FGF14: variants seen among roughly 807,000 people sequenced by gnomAD.
FGF14 encodes the protein fibroblast growth factor homologous factor 4.
Under a neutral mutation model 25.5 loss-of-function variants are expected in FGF14, and 5 were observed. The ratio of observed to expected loss-of-function variants is 0.20; its 90% CI spans 0.10 to 0.41. The LOEUF (loss-of-function observed/expected upper bound fraction) is 0.41, where lower values mean the gene tolerates loss of function less well. FGF14 is among the 10% of genes least tolerant of loss of function. The probability of loss-of-function intolerance (pLI) is 1.00; values close to 1 mark genes in which losing one functional copy is unlikely to be tolerated. For missense variants in FGF14, 222 were observed against 320.1 expected (o/e 0.69, Z 2.34); for synonymous variants, 138 against 118.3 (o/e 1.17, Z -1.08).
intron 1 of FGF14, among the ~76,000 whole-genome samples, chr13:102,112,369 C>T (rs866845262): frequency 6.6e-6 from 1 of 152,150 alleles, no homozygotes; most frequent in African/African-American, 2.4e-5. Flanking sequence ...CTGCCACCCC[C>T]CAGCCCAAAG....
At chr13:101,820,663 T>C (rs1364031319) in intron 3 of FGF14, among the ~76,000 whole-genome samples, 1 of 152,214 alleles carries the variant, frequency 6.6e-6, no homozygotes, top group Non-Finnish European at 1.5e-5. Flanking sequence ...AAGTGCTTTC[T>C]TAGGCTATGA....
chr13:102,299,788 AG>A (rs549770916), intron 1 of FGF14: 136 of 152,284 alleles, frequency 8.9e-4, no homozygotes, highest in African/African-American at 3.0e-3. Flanking sequence ...AAACAAGATG[AG>A]GGGCAGCACC....
rs780368983 is a variant in FGF14, at chr13:101,756,841, T to G, written c.409-30031A>C. On this transcript the variant is annotated intron_variant, in intron 3 of 4. Transcript: ENST00000376143. ...TATTTTCATACAATTGGCACTATCCTGAGCCCAGATTTTTTCTGTCAATAA... is the reference window on the plus strand; with the variant it reads ...TATTTTCATACAATTGGCACTATCCGGAGCCCAGATTTTTTCTGTCAATAA... Among the ~76,000 whole-genome samples the G allele has an allele frequency of 5.9e-4, 90 of 152,338 alleles. 1 individual carries two copies. Among genetic ancestry groups the G allele is most frequent in the Non-Finnish European group, 1.1e-3 (78 of 68,032 alleles).
rs1436698200 is a variant in FGF14 at position 101,713,022 on chromosome 13, T to G, written c.*9809A>C. On this transcript the variant is annotated 3_prime_UTR_variant, in exon 5 of 5. Transcript: ENST00000376143. The stretch of plus-strand genomic sequence containing the variant: ...GACCCTCAGGAAAACAAGTCAAGAC[T>G]AAATACAATTATGCCATAGCTACGC... 6.6e-6 allele frequency: 1 copy of G among 152,228 alleles called. No homozygotes were observed. Among genetic ancestry groups the G allele is most frequent in the East Asian group, 1.9e-4 (1 of 5,200 alleles). 9.4% of individuals were successfully genotyped at this position (152,228 alleles called of 1,614,324 possible).
intron 1 of FGF14, among the ~76,000 whole-genome samples, chr13:102,303,112 GC>G (rs2055162325): frequency 6.6e-6 from 1 of 152,088 alleles, no homozygotes; most frequent in Non-Finnish European, 1.5e-5. Context: ...TCTTGATGTT[GC>G]CCAAGCCAGG....
chr13:101,817,793 T>C (rs896338138), intron 3 of FGF14, among the ~76,000 whole-genome samples: 7 of 152,106 alleles, frequency 4.6e-5, no homozygotes, highest in African/African-American at 1.7e-4. Flanking sequence ...ACAGAGAAAA[T>C]GAATGAAATT....
At chr13:102,265,052 AT>A (rs919416900) in intron 1 of FGF14, among the ~76,000 whole-genome samples, 136 of 152,288 alleles carry the variant, frequency 8.9e-4, no homozygotes, top group African/African-American at 3.3e-3. Flanking sequence ...ACTTACTTGT[AT>A]CTTTTGAAAA....
chr13:102,240,933 C>T (rs914682194), intron 1 of FGF14, among the ~76,000 whole-genome samples: 6 of 152,084 alleles, frequency 3.9e-5, no homozygotes, highest in African/African-American at 1.4e-4. Flanking sequence ...TTCTTCAAAT[C>T]ATTAGGAGAA....
intron 1 of FGF14, among the ~76,000 whole-genome samples, chr13:102,256,929 A>G (rs1251073253): frequency 2.0e-5 from 3 of 152,182 alleles, no homozygotes; most frequent in Non-Finnish European, 4.4e-5. Flanking sequence ...AAAATAAATC[A>G]TATTTTTGCT....
chr13:102,025,511 T>C (rs113467358), intron 1 of FGF14, among the ~76,000 whole-genome samples: 5,235 of 152,030 alleles, frequency 0.034, 302 homozygotes, highest in African/African-American at 0.12. Context: ...AGGGTTCAAG[T>C]GATTCTCATG....
chr13:101,942,232 T>C (rs2035498960), intron 1 of FGF14, among the ~76,000 whole-genome samples: 1 of 152,210 alleles, frequency 6.6e-6, no homozygotes, highest in African/African-American at 2.4e-5. Context: ...TTGCCAGCAG[T>C]GGACACTGTT....
At chr13:102,141,755 G>A (rs796301050) in intron 1 of FGF14, among the ~76,000 whole-genome samples, 10 of 152,030 alleles carry the variant, frequency 6.6e-5, no homozygotes, top group East Asian at 1.9e-4. Flanking sequence ...ATAATGTACC[G>A]AAAGAAAAAA....
At chr13:101,913,152 G>A (rs1314674031) in intron 1 of FGF14, among the ~76,000 whole-genome samples, 1 of 152,234 alleles carries the variant, frequency 6.6e-6, no homozygotes, top group African/African-American at 2.4e-5. Flanking sequence ...ACAGGTGAAT[G>A]TAGAAGTGAG....
Position 101,722,572 on chromosome 13 carries a change from A to G in FGF14, c.*259T>C, listed in dbSNP as rs1428765721. On this transcript the variant is annotated 3_prime_UTR_variant, in exon 5 of 5. Transcript: ENST00000376143. The stretch of plus-strand genomic sequence containing the variant: ...TCACATGAAGTGTCACAGTCACAGA[A>G]AAGATATTAAAAAGGCATTCCATAT... The G allele has an allele frequency of 3.9e-6, 2 of 516,602 alleles. No individual in the cohort carries two copies. Among genetic ancestry groups the G allele is most frequent in the African/African-American group, 3.9e-5 (2 of 51,942 alleles). 32.0% of individuals were successfully genotyped at this position (516,602 alleles called of 1,614,324 possible). A position where few individuals can be genotyped will look rare whatever the true frequency, so the allele number is the denominator to read the frequency against.
intron 1 of FGF14, among the ~76,000 whole-genome samples, chr13:102,102,566 C>G (rs2044711460): frequency 6.6e-6 from 1 of 152,302 alleles, no homozygotes; most frequent in Non-Finnish European, 1.5e-5. Context: ...ATGACTTGAT[C>G]AGCACTGAAC....
At chr13:101,771,821 A>G (rs2038791420) in intron 3 of FGF14, among the ~76,000 whole-genome samples, 1 of 152,040 alleles carries the variant, frequency 6.6e-6, no homozygotes, top group African/African-American at 2.4e-5. Context: ...AAATAAAAAT[A>G]TACATACTTT....
chr13:102,155,258 TG>T (rs1300500674), intron 1 of FGF14, among the ~76,000 whole-genome samples: 2 of 152,158 alleles, frequency 1.3e-5, no homozygotes, highest in Admixed American at 1.3e-4. Flanking sequence ...ACCACATAGG[TG>T]GAAGTAAAGC....
intron 1 of FGF14, among the ~76,000 whole-genome samples, chr13:101,924,283 T>C (rs2139190066): frequency 6.6e-6 from 1 of 152,284 alleles, no homozygotes; most frequent in South Asian, 2.1e-4. Context: ...ACCACTTTCA[T>C]AGGAAATAAG....
At chr13:101,769,867 T>C (rs1263133109) in intron 3 of FGF14, among the ~76,000 whole-genome samples, 3 of 152,154 alleles carry the variant, frequency 2.0e-5, no homozygotes, top group Non-Finnish European at 4.4e-5. Flanking sequence ...CTCTGTATGA[T>C]ACTATAATCA....
Sources: allele counts gnomAD v4.1 joint callset (sites outside exome capture counted in the v4.1 genomes callset), GRCh38; gene constraint gnomAD v4.1.1; transcripts MANE v1.5; gene names NCBI Gene and HGNC (gene_info 2026-07-23, HGNC 2026-07-21).